Variants in SLC24A4 observed in about 807,000 individuals in gnomAD.
The protein encoded by SLC24A4 is sodium/potassium/calcium exchanger 4.
In SLC24A4, 53 loss-of-function variants were observed where a neutral mutation model predicts 79.0. That is an observed-to-expected ratio of 0.67 (90% CI 0.54 to 0.84). SLC24A4 has a LOEUF of 0.84. SLC24A4 is among the 40% of genes least tolerant of loss of function. The pLI is 0.00. For missense variants in SLC24A4, 731 were observed against 822.0 expected (o/e 0.89, Z 1.35); for synonymous variants, 323 against 323.8 (o/e 1.00, Z 0.03).
In SLC24A4 at chr14:92,439,999, C is replaced by T. The variant is rs189087179; in HGVS notation, c.393+590C>T. Among the ~76,000 whole-genome samples the T allele has an allele frequency of 2.4e-3, 372 of 152,354 alleles. 1 individual carries two copies. Among genetic ancestry groups the T allele is most frequent in the African/African-American group, 8.4e-3 (350 of 41,582 alleles). On this transcript the variant is annotated intron_variant, in intron 4 of 16. Coordinates refer to ENST00000532405, the MANE Select transcript of SLC24A4 (RefSeq NM_153646.4). Reference sequence around the variant, plus strand: ...AGGAAATTGACTTCCGTTTGCAGCACCTCCTGTGTGTGGAGTGCCCAGGGC... The same window carrying T: ...AGGAAATTGACTTCCGTTTGCAGCATCTCCTGTGTGTGGAGTGCCCAGGGC...
rs1895823639 is a variant in SLC24A4, at chr14:92,493,645, CT to C, written c.*18del. On this transcript the variant is annotated 3_prime_UTR_variant, in exon 17 of 17. Transcript: ENST00000532405. ...GACGATTAGCGCTGAGTCGCGGCCC[CT>C]GGGAGCTGATCTGGACACCCTGTGA... The C allele has an allele frequency of 6.2e-7, 1 of 1,613,336 alleles. No individual in the cohort carries two copies. Among genetic ancestry groups the C allele is most frequent in the South Asian group, 1.1e-5 (1 of 90,952 alleles).
intron 2 of SLC24A4, among the ~76,000 whole-genome samples, chr14:92,342,363 C>CATTAATTAATTTATTT (rs377654077): frequency 0.011 from 1,537 of 137,908 alleles, 12 homozygotes; most frequent in Middle Eastern, 0.014. Flanking sequence ...TTTTTTTCCC[C>CATTAATTAATTTATTT]ATTTATTTAT....
chr14:92,397,014 G>A (rs900875494), intron 2 of SLC24A4, among the ~76,000 whole-genome samples: 3 of 152,312 alleles, frequency 2.0e-5, no homozygotes, highest in Admixed American at 2.0e-4. Context: ...AATCTGGCAA[G>A]TAACTTTGTA....
chr14:92,329,125 C>G (rs1297291527), intron 2 of SLC24A4, among the ~76,000 whole-genome samples: 1 of 152,206 alleles, frequency 6.6e-6, no homozygotes, highest in Non-Finnish European at 1.5e-5. Flanking sequence ...TAAGCTTGCC[C>G]CCATGAATTA....
chr14:92,327,374 AG>A (rs1885207280), intron 2 of SLC24A4, among the ~76,000 whole-genome samples: 1 of 152,246 alleles, frequency 6.6e-6, no homozygotes, highest in East Asian at 1.9e-4. Flanking sequence ...TCCCTCCCCC[AG>A]GGTGTCTCCT....
At chr14:92,437,511 CTT>C (rs1406420061) in intron 3 of SLC24A4, among the ~76,000 whole-genome samples, 1 of 152,212 alleles carries the variant, frequency 6.6e-6, no homozygotes, top group East Asian at 1.9e-4. Context: ...CTGATCTGTT[CTT>C]ACTTCGTCAT....
chr14:92,325,293 A>G (rs925037189), intron 1 of SLC24A4, among the ~76,000 whole-genome samples: 2 of 152,236 alleles, frequency 1.3e-5, no homozygotes, highest in Non-Finnish European at 2.9e-5. Context: ...GGCCTCCGCA[A>G]ATTCTCTCTT....
intron 2 of SLC24A4, among the ~76,000 whole-genome samples, chr14:92,344,584 T>C (rs766323791): frequency 2.3e-4 from 35 of 152,148 alleles, no homozygotes; most frequent in Non-Finnish European, 3.2e-4. Context: ...GAGTGTGCTT[T>C]GGGAATATGA....
intron 2 of SLC24A4, among the ~76,000 whole-genome samples, chr14:92,427,661 G>A (rs1469059133): frequency 1.5e-5 from 2 of 129,148 alleles, no homozygotes; most frequent in Non-Finnish European, 3.1e-5. Context: ...GTATCAGTGA[G>A]TGTTCCCTGC....
At chr14:92,431,006 G>A (rs1317442082) in intron 2 of SLC24A4, among the ~76,000 whole-genome samples, 2 of 152,200 alleles carry the variant, frequency 1.3e-5, no homozygotes, top group Non-Finnish European at 2.9e-5. Context: ...GAAGCCCATG[G>A]GAGGAGAAGG....
chr14:92,339,520 T>C (rs1236032418), intron 2 of SLC24A4, among the ~76,000 whole-genome samples: 1 of 152,212 alleles, frequency 6.6e-6, no homozygotes, highest in Non-Finnish European at 1.5e-5. Flanking sequence ...TTCAATAACT[T>C]GCTCAAGGTC....
intron 2 of SLC24A4, among the ~76,000 whole-genome samples, chr14:92,360,176 C>G (rs1024058793): frequency 6.6e-6 from 1 of 152,240 alleles, no homozygotes; most frequent in Non-Finnish European, 1.5e-5. Context: ...CCCACCTTGG[C>G]CTCCCAAAGT....
chr14:92,474,775 GTA>G lies in SLC24A4; in HGVS notation c.1256-7897_1256-7896del, dbSNP rs1268591781. Reference sequence around the variant, plus strand: ...TGTGTGTATATACGTATATATGTGTGTATATATATGTGTGTGTGTATATATAT... The same window carrying G: ...TGTGTGTATATACGTATATATGTGTGTATATATGTGTGTGTGTATATATAT... On this transcript the variant is annotated intron_variant, in intron 12 of 16. Coordinates refer to ENST00000532405, the MANE Select transcript of SLC24A4 (RefSeq NM_153646.4). Among the ~76,000 whole-genome samples the G allele has an allele frequency of 4.6e-4, 53 of 114,772 alleles. 1 individual carries two copies. The highest frequency in any genetic ancestry group is 2.3e-3 in the South Asian group (8 of 3,428). The allele number at this position is 114,772 out of a possible 152,430, so 75.3% of individuals were successfully genotyped here.
intron 2 of SLC24A4, 80 bp downstream of exon 2, chr14:92,326,058 AG>A: frequency 1.0e-6 from 1 of 984,044 alleles, no homozygotes. Context: ...GGGTGGTTAC[AG>A]CCAGAGCTGA....
chr14:92,345,975 G>A (rs1249482751), intron 2 of SLC24A4, among the ~76,000 whole-genome samples: 1 of 152,144 alleles, frequency 6.6e-6, no homozygotes, highest in Admixed American at 6.5e-5. Context: ...GACTGGGATG[G>A]GCTTGGGGAC....
At chr14:92,410,669 G>A (rs1348377345) in intron 2 of SLC24A4, among the ~76,000 whole-genome samples, 2 of 152,120 alleles carry the variant, frequency 1.3e-5, no homozygotes, top group South Asian at 2.1e-4. Flanking sequence ...ATTCTAAGAG[G>A]TAGATGCTAA....
chr14:92,442,444 C>T (rs957655996), intron 5 of SLC24A4, among the ~76,000 whole-genome samples: 1 of 152,010 alleles, frequency 6.6e-6, no homozygotes, highest in Admixed American at 6.6e-5. Context: ...CTAAAACCAC[C>T]GAATTGTATA....
chr14:92,381,504 G>A (rs2141712233), intron 2 of SLC24A4, among the ~76,000 whole-genome samples: 1 of 152,206 alleles, frequency 6.6e-6, no homozygotes, highest in African/African-American at 2.4e-5. Flanking sequence ...CCTAGATGAT[G>A]GGTTGATAGG....
chr14:92,350,520 A>G (rs143163047), intron 2 of SLC24A4, among the ~76,000 whole-genome samples: 94 of 152,286 alleles, frequency 6.2e-4, no homozygotes, highest in African/African-American at 2.0e-3. Flanking sequence ...ACCATCCCTA[A>G]GGACCCCAGG....
Sources: gnomAD v4.1 joint callset for allele counts (sites outside exome capture counted in the v4.1 genomes callset) on GRCh38, gnomAD v4.1.1 for gene constraint, MANE v1.5 for transcripts, NCBI Gene and HGNC (gene_info 2026-07-23, HGNC 2026-07-21) for gene names.